Variants in EPN2 observed in about 807,000 individuals in gnomAD.
The protein encoded by EPN2 is epsin-2.
EPN2 carries 34 observed loss-of-function variants against 61.7 expected under a neutral mutation model. The ratio of observed to expected loss-of-function variants is 0.55; its 90% confidence interval spans 0.42 to 0.73. EPN2 has a LOEUF of 0.73. Ranked by LOEUF, EPN2 falls within the 30% of genes least tolerant of loss-of-function variation. The pLI, the probability that EPN2 is intolerant of heterozygous loss-of-function variation, is 0.00. For missense variants in EPN2, 714 were observed against 839.2 expected (o/e 0.85, Z 1.84); for synonymous variants, 349 against 353.6 (o/e 0.99, Z 0.15).
intron 1 of EPN2, among the ~76,000 whole-genome samples, chr17:19,238,459 T>TGGAA (rs947416749): frequency 3.3e-5 from 5 of 152,176 alleles, no homozygotes; most frequent in African/African-American, 1.2e-4. Context: ...CCGGAGCTTG[T>TGGAA]GGAAGGCCGT....
chr17:19,296,539 A>G (rs1312396580), intron 4 of EPN2: 1 of 152,176 alleles, frequency 6.6e-6, no homozygotes, highest in Non-Finnish European at 1.5e-5. Context: ...GAAAAAGAAG[A>G]AAAAAATCCT....
intron 10 of EPN2, 113 bp from the exon 11 acceptor site, chr17:19,333,843 C>T (rs1219793397): frequency 2.9e-5 from 24 of 830,654 alleles, no homozygotes; most frequent in South Asian, 2.4e-5. Flanking sequence ...GGCACTGTCA[C>T]GGGCTCTGAG....
At chr17:19,305,133 T>G (rs1255521688) in intron 4 of EPN2, among the ~76,000 whole-genome samples, 1 of 151,796 alleles carries the variant, frequency 6.6e-6, no homozygotes. Context: ...TTTTTTTTTT[T>G]TTTTTTTTGA....
intron 4 of EPN2, among the ~76,000 whole-genome samples, chr17:19,304,909 CT>C (rs1489353281): frequency 6.6e-6 from 1 of 152,166 alleles, no homozygotes; most frequent in Non-Finnish European, 1.5e-5. Context: ...GCCTGGCAAC[CT>C]TTCATTTTTT....
chr17:19,265,759 C>G (rs1567847474), intron 1 of EPN2, among the ~76,000 whole-genome samples: 1 of 152,210 alleles, frequency 6.6e-6, no homozygotes, highest in Non-Finnish European at 1.5e-5. Flanking sequence ...CATTTTCATT[C>G]TCCTCCAGGC....
At position 19,283,133 on chromosome 17, in the gene EPN2, C is replaced by T. The variant is rs763914996; in HGVS notation, c.14C>T (p.Ser5Phe). 1 of 1,606,862 alleles carries T rather than the reference C, an allele frequency of 6.2e-7. No individual in the cohort carries two copies. Among genetic ancestry groups the T allele is most frequent in the Non-Finnish European group, 8.5e-7 (1 of 1,176,960 alleles). MTTS[S>F]IRRQMKNIVN... The stretch of plus-strand genomic sequence containing the variant: ...AAGAAAATAAAAATGACGACTTCGT[C>T]TATCAGACGGCAGATGAAAAACATC... The change falls in exon 3 of 11, where the codon TCT becomes TTT. Residue 5 changes from serine (S) to phenylalanine (F), a missense_variant. Ser to Phe is a radical substitution (Grantham distance 155, BLOSUM62 -2). Around this residue, in one of 2 missense-constraint regions of EPN2, gnomAD observed 304 missense variants for 417.4 expected, o/e 0.73. Transcript: ENST00000314728. This position sits in a 1 kb window ranked among gnomAD's most constrained non-coding sequence, Gnocchi z 7.0.
At chr17:19,239,671 C>T (rs1458497113) in intron 1 of EPN2, among the ~76,000 whole-genome samples, 2 of 152,300 alleles carry the variant, frequency 1.3e-5, no homozygotes, top group African/African-American at 2.4e-5. Context: ...GGAGCCAGTT[C>T]GGATTGTCTT....
intron 1 of EPN2, among the ~76,000 whole-genome samples, chr17:19,249,208 G>A (rs1183827386): frequency 6.6e-6 from 1 of 152,206 alleles, no homozygotes; most frequent in Admixed American, 6.5e-5. Context: ...AAAGTGGGGA[G>A]CTAAAAAGAG....
At chr17:19,332,147 C>T in intron 10 of EPN2, 79 bp downstream of exon 10, 1 of 1,107,086 alleles carries the variant, frequency 9.0e-7, no homozygotes, top group Non-Finnish European at 1.3e-6. Flanking sequence ...GGGGGCTCTT[C>T]CCACTGTGTG....
intron 4 of EPN2, among the ~76,000 whole-genome samples, chr17:19,306,825 C>G (rs1026059341): frequency 6.6e-6 from 1 of 152,150 alleles, no homozygotes; most frequent in African/African-American, 2.4e-5. Flanking sequence ...CTACTTGATT[C>G]ATTTGTGGTT....
chr17:19,327,799 CAA>C (rs1022154715), intron 7 of EPN2, among the ~76,000 whole-genome samples: 19 of 152,028 alleles, frequency 1.2e-4, no homozygotes, highest in Non-Finnish European at 2.1e-4. Flanking sequence ...GAAGGAGAAA[CAA>C]GAGAAAGGCT....
chr17:19,250,716 C>T (rs949116109), intron 1 of EPN2, among the ~76,000 whole-genome samples: 15 of 152,128 alleles, frequency 9.9e-5, no homozygotes, highest in Non-Finnish European at 4.4e-5. Context: ...CTGCTTATTT[C>T]CCCTGGTTGT....
chr17:19,300,522 G>A (rs1489072253), intron 4 of EPN2, among the ~76,000 whole-genome samples: 1 of 138,270 alleles, frequency 7.2e-6, no homozygotes, highest in Non-Finnish European at 1.5e-5. Context: ...TCCGCCTCCT[G>A]GGTTCAGGCG....
chr17:19,306,378 G>A (rs1338287669), intron 4 of EPN2: 3 of 152,268 alleles, frequency 2.0e-5, no homozygotes, highest in South Asian at 2.1e-4. Context: ...GTTGTGTGTA[G>A]CTCAGCTGAT....
Position 19,328,874 on chromosome 17 carries a change from C to A in EPN2, c.1311C>A (p.Pro437=), listed in dbSNP as rs554361347. The A allele has an allele frequency of 5.6e-6, 9 of 1,611,356 alleles. No individual in the cohort carries two copies. Among genetic ancestry groups the A allele is most frequent in the Non-Finnish European group, 7.6e-6 (9 of 1,178,436 alleles). ...GGGGCGCAGTCTCCACCACCAAGCCCGTGTCTGTCTCTGGTGAGCCCCTCA... is the reference window on the plus strand; with the variant it reads ...GGGGCGCAGTCTCCACCACCAAGCCAGTGTCTGTCTCTGGTGAGCCCCTCA... ...DAWGAVSTTK[P]VSVSGSFELF... Residue 437 remains proline, a synonymous_variant, in exon 8 of 11, where the codon CCC becomes CCA. Coordinates refer to ENST00000314728, the MANE Select transcript of EPN2 (RefSeq NM_014964.5).
intron 1 of EPN2, among the ~76,000 whole-genome samples, chr17:19,239,845 G>A (rs780012948): frequency 2.0e-5 from 3 of 152,200 alleles, no homozygotes; most frequent in Non-Finnish European, 2.9e-5. Context: ...ATCTAGCATC[G>A]TGTATGCAGC....
intron 4 of EPN2, among the ~76,000 whole-genome samples, chr17:19,286,166 A>G (rs1347369841): frequency 1.3e-5 from 2 of 152,324 alleles, no homozygotes; most frequent in East Asian, 3.9e-4. Flanking sequence ...TGGACCGGAA[A>G]TGTGTGATTT....
intron 1 of EPN2, among the ~76,000 whole-genome samples, chr17:19,276,159 T>C (rs1343078747): frequency 6.6e-6 from 1 of 152,094 alleles, no homozygotes; most frequent in Non-Finnish European, 1.5e-5. Context: ...TGGTCATCTC[T>C]TCCTGCAAAT....
chr17:19,274,644 C>T (rs2045288506), intron 1 of EPN2, among the ~76,000 whole-genome samples: 1 of 152,120 alleles, frequency 6.6e-6, no homozygotes, highest in African/African-American at 2.4e-5. Flanking sequence ...CTCCTCTCAG[C>T]ACACGATCAG....
Sources: gnomAD v4.1 joint callset for allele counts (sites outside exome capture counted in the v4.1 genomes callset) on GRCh38, gnomAD v4.1.1 for gene constraint, gnomAD v4.1.1 regional missense constraint, Gnocchi (gnomAD v3.1) non-coding constraint, MANE v1.5 for transcripts, NCBI Gene and HGNC (gene_info 2026-07-23, HGNC 2026-07-21) for gene names.